Variants in DLGAP2 observed in about 807,000 individuals in gnomAD.
DLGAP2 encodes DLG associated protein 2.
A neutral mutation model predicts 100.3 loss-of-function variants in DLGAP2; 26 were observed. The observed-to-expected ratio is 0.26, with a 90% CI of 0.19 to 0.36. The LOEUF (loss-of-function observed/expected upper bound fraction) is 0.36. Ranked by LOEUF, DLGAP2 falls within the 10% of genes least tolerant of loss-of-function variation. The probability of loss-of-function intolerance (pLI) is 1.00; values close to 1 mark genes in which losing one functional copy is unlikely to be tolerated. For missense variants in DLGAP2, 1,858 were observed against 1,453.2 expected, an observed-to-expected ratio of 1.28 and a Z score of -4.53; for synonymous variants, 886 against 630.1, an observed-to-expected ratio of 1.41 and a Z score of -6.08.
chr8:1,109,084 C>T (rs1334241253), intron 2 of DLGAP2, among the ~76,000 whole-genome samples: 119 of 98,304 alleles, frequency 1.2e-3, no homozygotes, highest in African/African-American at 4.2e-3. Flanking sequence ...GAGGTGTGCA[C>T]GGGTCTGTGA....
intron 2 of DLGAP2, among the ~76,000 whole-genome samples, chr8:999,232 T>C (rs1163537297): frequency 6.6e-6 from 1 of 151,936 alleles, no homozygotes; most frequent in Non-Finnish European, 1.5e-5. Flanking sequence ...GGAGCTGTTT[T>C]GTCTCCTGCT....
chr8:1,476,160 C>G (rs759614871), intron 3 of DLGAP2, among the ~76,000 whole-genome samples: 1 of 152,100 alleles, frequency 6.6e-6, no homozygotes, highest in African/African-American at 2.4e-5. Context: ...TGCTTTGACT[C>G]CCACCGACTT....
intron 2 of DLGAP2, among the ~76,000 whole-genome samples, chr8:1,173,335 G>C (rs981913300): frequency 6.6e-6 from 1 of 152,228 alleles, no homozygotes; most frequent in African/African-American, 2.4e-5. Flanking sequence ...TCAGGGGTCA[G>C]AGACCCACTT....
intron 2 of DLGAP2, among the ~76,000 whole-genome samples, chr8:1,191,021 A>T (rs1334529071): frequency 6.6e-6 from 1 of 152,148 alleles, no homozygotes; most frequent in African/African-American, 2.4e-5. Flanking sequence ...AAGGGACCTG[A>T]GTCCAGCAGG....
intron 4 of DLGAP2, among the ~76,000 whole-genome samples, chr8:1,510,208 A>C (rs1800110775): frequency 6.6e-6 from 1 of 152,224 alleles, no homozygotes; most frequent in South Asian, 2.1e-4. Context: ...ATGGAAAATT[A>C]AATAGAAACA....
chr8:1,203,204 A>G (rs1234028662), intron 2 of DLGAP2, among the ~76,000 whole-genome samples: 2 of 152,136 alleles, frequency 1.3e-5, no homozygotes, highest in Non-Finnish European at 2.9e-5. Flanking sequence ...AGGGGATTAT[A>G]GACGTGTGTG....
intron 2 of DLGAP2, among the ~76,000 whole-genome samples, chr8:908,996 A>G (rs1028691339): frequency 6.6e-6 from 1 of 152,228 alleles, no homozygotes; most frequent in Admixed American, 6.5e-5. Context: ...CATTGTCTGT[A>G]TTATACATTC....
chr8:1,279,590 G>A (rs538251848), intron 3 of DLGAP2, among the ~76,000 whole-genome samples: 2 of 152,360 alleles, frequency 1.3e-5, no homozygotes, highest in East Asian at 3.9e-4. Context: ...TGTCATCTCA[G>A]TGTCTGAGAG....
chr8:861,439 C>T (rs958563199), intron 1 of DLGAP2, among the ~76,000 whole-genome samples: 7 of 152,088 alleles, frequency 4.6e-5, no homozygotes, highest in African/African-American at 1.2e-4. Context: ...GCCCCTAGCA[C>T]GGAATCTGCT....
At chr8:954,869 A>G (rs1799560991) in intron 2 of DLGAP2, among the ~76,000 whole-genome samples, 2 of 152,156 alleles carry the variant, frequency 1.3e-5, no homozygotes, top group Admixed American at 6.5e-5. Context: ...CCTTAGATGT[A>G]TAGGTGTTAG....
chr8:998,163 CAT>C (rs1177726431), intron 2 of DLGAP2, among the ~76,000 whole-genome samples: 4 of 152,240 alleles, frequency 2.6e-5, no homozygotes, highest in Non-Finnish European at 5.9e-5. Flanking sequence ...CACATACACA[CAT>C]GTATACACAC....
chr8:1,589,591 T>C (rs982394282), intron 6 of DLGAP2, among the ~76,000 whole-genome samples: 7 of 152,178 alleles, frequency 4.6e-5, no homozygotes, highest in Non-Finnish European at 1.0e-4. Flanking sequence ...TGCGCCACCA[T>C]GCCCAGCTAA....
intron 3 of DLGAP2, among the ~76,000 whole-genome samples, chr8:1,311,184 A>G (rs1434873709): frequency 6.6e-6 from 1 of 152,232 alleles, no homozygotes; most frequent in Non-Finnish European, 1.5e-5. Flanking sequence ...CCCGGATGAC[A>G]TGGACAAATT....
intron 3 of DLGAP2, among the ~76,000 whole-genome samples, chr8:1,287,611 T>A: frequency 2.7e-5 from 1 of 37,004 alleles, no homozygotes; most frequent in African/African-American, 2.1e-4. Flanking sequence ...TGTGGTTCTG[T>A]TAGGGGAACT....
At position 1,704,450 on chromosome 8, in the gene DLGAP2, G is replaced by A. The variant is rs557794528; in HGVS notation, c.*3044G>A. ...AAACAGGACCTAGCGTTTAGCCCGGGAAAGGAGAATGCTGCTTGTCACCTA... is the reference window on the plus strand; with the variant it reads ...AAACAGGACCTAGCGTTTAGCCCGGAAAAGGAGAATGCTGCTTGTCACCTA... On this transcript the variant is annotated 3_prime_UTR_variant, in exon 15 of 15. Coordinates refer to ENST00000637795, the MANE Select transcript of DLGAP2 (RefSeq NM_001346810.2). The A allele has an allele frequency of 6.6e-6, 1 of 152,362 alleles. No homozygotes were observed. Among genetic ancestry groups the A allele is most frequent in the Non-Finnish European group, 1.5e-5 (1 of 68,038 alleles). The allele number at this position is 152,362 out of a possible 1,614,324, so 9.4% of individuals were successfully genotyped here.
At chr8:1,411,019 T>A (rs1199775648) in intron 3 of DLGAP2, among the ~76,000 whole-genome samples, 1 of 152,130 alleles carries the variant, frequency 6.6e-6, no homozygotes, top group African/African-American at 2.4e-5. Context: ...TTTCTGTGGG[T>A]TTATTTATTG....
At chr8:1,156,638 C>CAACTCA (rs1214324965) in intron 2 of DLGAP2, among the ~76,000 whole-genome samples, 3 of 147,630 alleles carry the variant, frequency 2.0e-5, no homozygotes, top group Admixed American at 6.7e-5. Context: ...CCCAGCGCCC[C>CAACTCA]GGCTCAGCGC....
At chr8:809,584 A>G (rs1200190277) in intron 1 of DLGAP2, among the ~76,000 whole-genome samples, 4 of 152,150 alleles carry the variant, frequency 2.6e-5, no homozygotes, top group Non-Finnish European at 5.9e-5. Context: ...GGGAAAAGCC[A>G]TAAAATTACA....
intron 13 of DLGAP2, among the ~76,000 whole-genome samples, chr8:1,696,586 C>T (rs1166392677): frequency 2.0e-5 from 3 of 152,242 alleles, no homozygotes; most frequent in Non-Finnish European, 4.4e-5. Context: ...CTCTGGGCCA[C>T]TCGGCCCAGG....
Sources: gnomAD v4.1 joint callset for allele counts (sites outside exome capture counted in the v4.1 genomes callset) on GRCh38, gnomAD v4.1.1 for gene constraint, MANE v1.5 for transcripts, NCBI Gene and HGNC (gene_info 2026-07-23, HGNC 2026-07-21) for gene names.